Variants in CFAP20DC observed in about 807,000 individuals in gnomAD.
CFAP20DC encodes protein CFAP20DC.
CFAP20DC carries 84 observed loss-of-function variants against 101.7 expected under a neutral mutation model. The observed-to-expected ratio is 0.83, with a 90% CI of 0.69 to 0.99. The LOEUF (loss-of-function observed/expected upper bound fraction) is 0.99. Among genes scored for constraint, CFAP20DC ranks in the 50% least tolerant of loss-of-function variants. The pLI is 0.00. For synonymous variants in CFAP20DC, 359 were observed against 351.2 expected (o/e 1.02, Z -0.25); for missense variants, 1,007 against 970.3 (o/e 1.04, Z -0.50).
In CFAP20DC at chr3:58,866,550, T is replaced by C. The variant is rs1357185079; in HGVS notation, c.1258+16A>G. ...TTATTCATTATTAACAGATATGGTG[T>C]AATAAAGATGCCAACCTGATTGATC... On this transcript the variant is annotated intron_variant, in intron 11 of 16. Coordinates refer to ENST00000482387, the MANE Select transcript of CFAP20DC (RefSeq NM_001394063.1). 11 of 1,588,836 alleles carry C rather than the reference T, an allele frequency of 6.9e-6. No homozygotes were observed. The highest frequency in any genetic ancestry group is 1.4e-5 in the African/African-American group (1 of 73,476).
chr3:58,844,466 C>T (rs1460711576), intron 13 of CFAP20DC, among the ~76,000 whole-genome samples: 6 of 140,970 alleles, frequency 4.3e-5, no homozygotes, highest in South Asian at 4.4e-4. Context: ...AGCTAACTAT[C>T]GTAAACATAT....
intron 2 of CFAP20DC, among the ~76,000 whole-genome samples, chr3:59,046,599 A>T (rs1194956058): frequency 1.3e-5 from 2 of 152,122 alleles, no homozygotes; most frequent in African/African-American, 4.8e-5. Context: ...GGAGATAAAT[A>T]AAATAAATAA....
rs1487660776 is a variant in CFAP20DC, at chr3:58,861,194, AC to A, written c.1593+2363del. On this transcript the variant is annotated intron_variant, in intron 12 of 16. Transcript: ENST00000482387. This position sits in a 1 kb window ranked among gnomAD's most constrained non-coding sequence, Gnocchi z 4.0. ...TTGCCTAGTTTATATGTTACTAAAT[AC>A]ATCTCATTTTCCTTTAAAAATACTC... 5 of 248,230 alleles carry A rather than the reference AC, an allele frequency of 2.0e-5. No homozygotes were observed. Among genetic ancestry groups the A allele is most frequent in the African/African-American group, 1.2e-4 (5 of 43,226 alleles). 15.4% of individuals were successfully genotyped at this position (248,230 alleles called of 1,614,324 possible). A position where few individuals can be genotyped will look rare whatever the true frequency, so the allele number is the denominator to read the frequency against.
downstream of CFAP20DC, among the ~76,000 whole-genome samples, chr3:58,716,286 C>T (rs943698491): frequency 9.4e-4 from 142 of 151,314 alleles, no homozygotes; most frequent in African/African-American, 3.3e-3. Context: ...CTCAGCCTCC[C>T]GAGTAGCTGG....
intron 4 of CFAP20DC, among the ~76,000 whole-genome samples, chr3:58,948,882 A>C (rs1209858010): frequency 6.6e-6 from 1 of 152,054 alleles, no homozygotes; most frequent in African/African-American, 2.4e-5. Context: ...TCCTCTTTGT[A>C]CCTCTGGTAG....
intron 15 of CFAP20DC, among the ~76,000 whole-genome samples, chr3:58,805,820 T>G (rs1575688740): frequency 6.6e-6 from 1 of 152,002 alleles, no homozygotes; most frequent in Non-Finnish European, 1.5e-5. Flanking sequence ...AATAATGAGG[T>G]TTTTCCTTAG....
chr3:58,766,710 A>G (rs115387371), intron 15 of CFAP20DC, among the ~76,000 whole-genome samples: 3,175 of 152,246 alleles, frequency 0.021, 119 homozygotes, highest in African/African-American at 0.071. Flanking sequence ...ACAATGTTCC[A>G]TCACACTCCC....
chr3:58,931,915 C>T (rs1042052652), intron 5 of CFAP20DC, among the ~76,000 whole-genome samples: 3 of 152,240 alleles, frequency 2.0e-5, no homozygotes, highest in African/African-American at 7.2e-5. Flanking sequence ...CGGAACAAAG[C>T]TGGACGGAGA....
Position 58,861,539 on chromosome 3 carries a change from A to C in CFAP20DC, c.1593+2019T>G. The C allele has an allele frequency of 1.0e-6, 1 of 980,630 alleles. No homozygotes were observed. Among genetic ancestry groups the C allele is most frequent in the Non-Finnish European group, 1.2e-6 (1 of 825,554 alleles). The allele number at this position is 980,630 out of a possible 1,614,324, so 60.7% of individuals were successfully genotyped here. On this transcript the variant is annotated intron_variant, in intron 12 of 16. Transcript: ENST00000482387. This position sits in a 1 kb window ranked among gnomAD's most constrained non-coding sequence, Gnocchi z 4.0. Reference sequence around the variant, plus strand: ...AGGAAAAGAAATTACCAAAAGTACAAAAGAAAAAATCCAATTTTGTTAAGA... The same window carrying C: ...AGGAAAAGAAATTACCAAAAGTACACAAGAAAAAATCCAATTTTGTTAAGA...
chr3:58,758,544 T>A (rs2069180104), intron 15 of CFAP20DC, among the ~76,000 whole-genome samples: 1 of 152,092 alleles, frequency 6.6e-6, no homozygotes, highest in South Asian at 2.1e-4. Context: ...TATTTATTTA[T>A]TTATTTATTA....
intron 15 of CFAP20DC, among the ~76,000 whole-genome samples, chr3:58,776,951 A>G (rs2071389995): frequency 6.6e-6 from 1 of 152,096 alleles, no homozygotes; most frequent in Non-Finnish European, 1.5e-5. Context: ...AAAGGAAAAT[A>G]AATCTTCAGA....
intron 3 of CFAP20DC, among the ~76,000 whole-genome samples, chr3:58,736,065 T>C (rs537000731): frequency 1.8e-4 from 27 of 152,252 alleles, no homozygotes; most frequent in Non-Finnish European, 3.4e-4. Context: ...AACAGGTGAA[T>C]TGAAAAGATA....
At chr3:58,880,102 A>G (rs932561504) in intron 7 of CFAP20DC, among the ~76,000 whole-genome samples, 1 of 152,150 alleles carries the variant, frequency 6.6e-6, no homozygotes, top group Non-Finnish European at 1.5e-5. Context: ...TCATACAATC[A>G]TTGACATCAA....
At chr3:58,821,251 A>G (rs2075620074) in intron 14 of CFAP20DC, among the ~76,000 whole-genome samples, 1 of 152,268 alleles carries the variant, frequency 6.6e-6, no homozygotes, top group African/African-American at 2.4e-5. Context: ...CTTCATGTAC[A>G]AAACAACAAA....
At chr3:58,974,961 T>C (rs1199521327) in intron 4 of CFAP20DC, among the ~76,000 whole-genome samples, 5 of 152,176 alleles carry the variant, frequency 3.3e-5, no homozygotes, top group Non-Finnish European at 7.3e-5. Flanking sequence ...TTGCTGGCTA[T>C]TGGTCTCTTC....
intron 3 of CFAP20DC, among the ~76,000 whole-genome samples, chr3:59,045,105 G>A (rs992265971): frequency 3.4e-5 from 5 of 146,172 alleles, no homozygotes; most frequent in South Asian, 2.2e-4. Context: ...TTTTTTTTCC[G>A]GTCTCTTTCG....
intron 14 of CFAP20DC, among the ~76,000 whole-genome samples, chr3:58,826,591 T>C (rs1391207719): frequency 6.6e-6 from 1 of 152,184 alleles, no homozygotes; most frequent in Non-Finnish European, 1.5e-5. Flanking sequence ...TTGCTGAGAA[T>C]GATGGTTTCC....
rs1397677751 is a variant in CFAP20DC at position 58,897,414 on chromosome 3, T to C, written c.551-12705A>G. 6.6e-6 allele frequency among the ~76,000 whole-genome samples: 1 copy of C among 152,206 alleles called. No homozygotes were observed. The highest frequency in any genetic ancestry group is 1.5e-5 in the Non-Finnish European group (1 of 68,030). On this transcript the variant is annotated intron_variant, in intron 6 of 16. Coordinates refer to ENST00000482387, the MANE Select transcript of CFAP20DC (RefSeq NM_001394063.1). This position sits in a 1 kb window ranked among gnomAD's most constrained non-coding sequence, Gnocchi z 4.4. The stretch of plus-strand genomic sequence containing the variant: ...TGGGAATTTGATCCTGTCAACATGA[T>C]AGCTGGTTATTTTGCAGATTTGTTT...
intron 16 of CFAP20DC, among the ~76,000 whole-genome samples, chr3:58,746,130 A>T (rs1257564357): frequency 6.6e-6 from 1 of 152,106 alleles, no homozygotes; most frequent in Non-Finnish European, 1.5e-5. Context: ...AAACAGAAAG[A>T]CCCCCAATTA....
Sources: allele counts gnomAD v4.1 joint callset (sites outside exome capture counted in the v4.1 genomes callset), GRCh38; gene constraint gnomAD v4.1.1; non-coding constraint Gnocchi (gnomAD v3.1); transcripts MANE v1.5; gene names NCBI Gene and HGNC (gene_info 2026-07-23, HGNC 2026-07-21).